Variants in JDP2 observed in about 807,000 individuals in gnomAD.
JDP2 encodes Jun dimerization protein 2, also known as progesterone receptor co-activator.
JDP2 carries 9 observed loss-of-function variants against 17.1 expected under a neutral mutation model. The ratio of observed to expected loss-of-function variants is 0.53; its 90% CI spans 0.32 to 0.92. The LOEUF (loss-of-function observed/expected upper bound fraction) is 0.92. Among genes scored for constraint, JDP2 ranks in the 40% least tolerant of loss-of-function variants. JDP2 has a pLI of 0.04. For synonymous variants in JDP2, 107 were observed against 95.6 expected (o/e 1.12, Z -0.69); for missense variants, 179 against 220.0 (o/e 0.81, Z 1.18).
intron 3 of JDP2, among the ~76,000 whole-genome samples, chr14:75,463,582 T>C (rs1886433840): frequency 6.6e-6 from 1 of 152,164 alleles, no homozygotes. Context: ...AAGGAAAGGC[T>C]GCTTCAATTC....
In JDP2 at chr14:75,455,297, G is replaced by T. The variant is rs117946081; in HGVS notation, c.202-6129G>T. 1.1e-4 allele frequency among the ~76,000 whole-genome samples: 17 copies of T among 152,286 alleles called. No homozygotes were observed. In the East Asian group the frequency reaches 2.5e-3, roughly 23 times the overall value. ...CCTGGCAAACGTCCAGGAAGTGCTCGCTGTGGGGATGACCACGAGCCCTGT... is the reference window on the plus strand; with the variant it reads ...CCTGGCAAACGTCCAGGAAGTGCTCTCTGTGGGGATGACCACGAGCCCTGT... On this transcript the variant is annotated intron_variant, in intron 2 of 3. Coordinates refer to ENST00000651602, the MANE Select transcript of JDP2 (RefSeq NM_001135048.2).
rs1886804212 is a variant in JDP2 at position 75,471,285 on chromosome 14, C to CCCTG, written c.*1813_*1816dup. On this transcript the variant is annotated 3_prime_UTR_variant, in exon 4 of 4. Transcript: ENST00000651602. Reference sequence around the variant, plus strand: ...TGCCCCCTCACCTCGACAGCTGAATCCCTGCCACCCAGGGCCGGAGCAGCT... The same window carrying CCCTG: ...TGCCCCCTCACCTCGACAGCTGAATCCCTGCCTGCCACCCAGGGCCGGAGCAGCT... 1 of 152,312 alleles carries CCCTG rather than the reference C, an allele frequency of 6.6e-6. No homozygotes were observed. 9.4% of individuals were successfully genotyped at this position (152,312 alleles called of 1,614,324 possible). A position where few individuals can be genotyped will look rare whatever the true frequency, so the allele number is the denominator to read the frequency against.
At position 75,461,481 on chromosome 14, in the gene JDP2, C is replaced by A; in HGVS notation, c.257C>A (p.Ala86Glu). The change falls in exon 3 of 4, where the codon GCA (alanine) becomes GAA (glutamate). Residue 86 changes from alanine to glutamate, a missense_variant. Coordinates refer to ENST00000651602, the MANE Select transcript of JDP2 (RefSeq NM_001135048.2). ...CGCCGGGAGAAGAACAAAGTCGCAG[C>A]AGCCCGATGCCGGAACAAGAAGAAG... ...KRRREKNKVA[A>E]ARCRNKKKER... 6.2e-7 allele frequency: 1 copy of A among 1,610,468 alleles called. No homozygotes were observed. The highest frequency in any genetic ancestry group is 8.5e-7 in the Non-Finnish European group (1 of 1,179,078).
At chr14:75,431,199 G>T (rs1884781088) in intron 1 of JDP2, among the ~76,000 whole-genome samples, 1 of 152,206 alleles carries the variant, frequency 6.6e-6, no homozygotes. Flanking sequence ...GCTTCCTCTT[G>T]CTGCCTGGGT....
intron 2 of JDP2, among the ~76,000 whole-genome samples, chr14:75,454,417 A>G (rs1463558547): frequency 2.6e-5 from 4 of 152,320 alleles, no homozygotes; most frequent in Middle Eastern, 3.4e-3. Flanking sequence ...AAAGTGGGGA[A>G]GCTGAATAGA....
rs1462594125 is a variant in JDP2, at chr14:75,471,522, A to G, written c.*2047A>G. 1 of 152,234 alleles carries G rather than the reference A, an allele frequency of 6.6e-6. No homozygotes were observed. Among genetic ancestry groups the G allele is most frequent in the Non-Finnish European group, 1.5e-5 (1 of 68,046 alleles). 9.4% of individuals were successfully genotyped at this position (152,234 alleles called of 1,614,324 possible). ...GACTTAGGATAACTAGTTGCTGGTGATGACTTCGTGTCAAGAACAGCAGTG... is the reference window on the plus strand; with the variant it reads ...GACTTAGGATAACTAGTTGCTGGTGGTGACTTCGTGTCAAGAACAGCAGTG... On this transcript the variant is annotated 3_prime_UTR_variant, in exon 4 of 4. Coordinates refer to ENST00000651602, the MANE Select transcript of JDP2 (RefSeq NM_001135048.2).
chr14:75,468,270 C>G (rs1389495447), intron 3 of JDP2, among the ~76,000 whole-genome samples: 1 of 152,128 alleles, frequency 6.6e-6, no homozygotes, highest in Non-Finnish European at 1.5e-5. Context: ...CATCTACCTG[C>G]TAGATGCTGG....
intron 2 of JDP2, among the ~76,000 whole-genome samples, chr14:75,458,615 G>C (rs1413064922): frequency 6.6e-6 from 1 of 152,182 alleles, no homozygotes; most frequent in Admixed American, 6.5e-5. Context: ...TGTGAACAGT[G>C]CTGCAATGAA....
chr14:75,435,078 G>A (rs181366565), intron 1 of JDP2, among the ~76,000 whole-genome samples: 13 of 152,334 alleles, frequency 8.5e-5, no homozygotes, highest in South Asian at 2.1e-4. Context: ...GTTTGTTCCC[G>A]GCACAGTTTT....
In JDP2 at chr14:75,440,429, G is replaced by A. The variant is rs145846248; in HGVS notation, c.201+2308G>A. The stretch of plus-strand genomic sequence containing the variant: ...CTTGCAGCTGAAGAATCTATGGTCT[G>A]AAGATCTATTTGCATATGGCAAACT... On this transcript the variant is annotated intron_variant, in intron 2 of 3. Coordinates refer to ENST00000651602, the MANE Select transcript of JDP2 (RefSeq NM_001135048.2). Among the ~76,000 whole-genome samples, 1,258 of 152,338 alleles carry A rather than the reference G, an allele frequency of 8.3e-3. 4 individuals carry two copies. The highest frequency in any genetic ancestry group is 0.025 in the South Asian group (120 of 4,828).
intron 2 of JDP2, among the ~76,000 whole-genome samples, chr14:75,440,633 G>T (rs1200820675): frequency 6.6e-6 from 1 of 152,188 alleles, no homozygotes; most frequent in Non-Finnish European, 1.5e-5. Context: ...TAGTAGAGAA[G>T]AGTTTGAGGT....
At chr14:75,442,848 C>T (rs917182158) in intron 2 of JDP2, among the ~76,000 whole-genome samples, 8 of 152,216 alleles carry the variant, frequency 5.3e-5, no homozygotes, top group South Asian at 4.1e-4. Context: ...TGACTCTTTG[C>T]GGTTTCTTCC....
At chr14:75,457,498 T>G (rs1272017692) in intron 2 of JDP2, among the ~76,000 whole-genome samples, 1 of 152,244 alleles carries the variant, frequency 6.6e-6, no homozygotes, top group African/African-American at 2.4e-5. Context: ...GGGCAGCTCT[T>G]AAATAGCAGT....
intron 2 of JDP2, among the ~76,000 whole-genome samples, chr14:75,457,349 G>A (rs906570286): frequency 1.3e-5 from 2 of 152,244 alleles, no homozygotes; most frequent in African/African-American, 2.4e-5. Context: ...AGAAGGGCTG[G>A]GGAGAGTCTC....
intron 1 of JDP2, among the ~76,000 whole-genome samples, chr14:75,432,772 TTAACC>T (rs1382470139): frequency 6.6e-6 from 1 of 152,220 alleles, no homozygotes; most frequent in African/African-American, 2.4e-5. Flanking sequence ...TAAGTTTCTC[TTAACC>T]TGTTTCTTTT....
chr14:75,432,391 C>T (rs1884849035), intron 1 of JDP2: 2 of 1,514,594 alleles, frequency 1.3e-6, no homozygotes, highest in Admixed American at 2.0e-5. Flanking sequence ...TCTGTGGACT[C>T]CTGCCCTCCG....
chr14:75,437,871 G>C (rs1460328092), intron 1 of JDP2, 27 bp from the exon 2 acceptor site: 1 of 1,522,250 alleles, frequency 6.6e-7, no homozygotes, highest in East Asian at 2.4e-5. Flanking sequence ...CTGGCTGACT[G>C]TCCTGCTCTT....
chr14:75,439,023 A>C (rs993336356), intron 2 of JDP2, among the ~76,000 whole-genome samples: 2 of 152,160 alleles, frequency 1.3e-5, no homozygotes, highest in Admixed American at 6.5e-5. Flanking sequence ...AGGGCGCAGG[A>C]AGCAGCTGAG....
intron 1 of JDP2, among the ~76,000 whole-genome samples, chr14:75,437,287 C>T (rs1226931490): frequency 6.6e-6 from 1 of 151,954 alleles, no homozygotes; most frequent in Non-Finnish European, 1.5e-5. Context: ...ATAGATAGCA[C>T]ACACACTCAC....
Sources: gnomAD v4.1 joint callset for allele counts (sites outside exome capture counted in the v4.1 genomes callset) on GRCh38, gnomAD v4.1.1 for gene constraint, MANE v1.5 for transcripts, NCBI Gene and HGNC (gene_info 2026-07-23, HGNC 2026-07-21) for gene names.